Variants in SLC2A14 observed in about 807,000 individuals in gnomAD.
SLC2A14 encodes the protein solute carrier family 2 member 14.
A neutral mutation model predicts 43.0 loss-of-function variants in SLC2A14; 13 were observed. The ratio of observed to expected loss-of-function variants is 0.30; its 90% CI spans 0.20 to 0.48. The LOEUF is 0.48. SLC2A14 is among the 20% of genes least tolerant of loss of function. The probability of loss-of-function intolerance (pLI) is 0.99; values close to 1 mark genes in which losing one functional copy is unlikely to be tolerated. For synonymous variants in SLC2A14, 190 were observed against 233.8 expected (o/e 0.81, Z 1.71); for missense variants, 428 against 620.4 (o/e 0.69, Z 3.29).
chr12:7,814,627 A>C, intron 10 of SLC2A14, 93 bp from the exon 11 acceptor site: 1 of 1,314,690 alleles, frequency 7.6e-7, no homozygotes, highest in Non-Finnish European at 1.0e-6. Flanking sequence ...AATAGGCTTC[A>C]AGCTATAACC....
chr12:7,870,956 T>A, intron 1 of SLC2A14: 1 of 1,428,488 alleles, frequency 7.0e-7, no homozygotes, highest in Non-Finnish European at 9.4e-7. Flanking sequence ...CATCCAGGAG[T>A]TTAAGGAGGC....
At position 7,871,521 on chromosome 12, in the gene SLC2A14, G is replaced by A. The variant is rs769023470; in HGVS notation, c.-58+1286C>T. ...GCTTCGGGTCCCAGCTCCCAGTGGA[G>A]AAATCACGCCAAGAGAAGTGCAGTG... On this transcript the variant is annotated intron_variant, in intron 1 of 10. Coordinates refer to ENST00000431042, the MANE Select transcript of SLC2A14 (RefSeq NM_001286234.2). 9.2e-5 allele frequency among the ~76,000 whole-genome samples: 14 copies of A among 152,032 alleles called. No homozygotes were observed. The South Asian group carries it at 2.9e-3, about 32-fold the overall frequency.
At chr12:7,832,172 A>C (rs1038772780) in intron 3 of SLC2A14, among the ~76,000 whole-genome samples, 2 of 152,222 alleles carry the variant, frequency 1.3e-5, no homozygotes, top group Non-Finnish European at 2.9e-5. Flanking sequence ...CAAGGGAATA[A>C]ATAGACGGGA....
At chr12:7,837,415 G>A (rs4492886) in intron 2 of SLC2A14, among the ~76,000 whole-genome samples, 52,246 of 151,930 alleles carry the variant, frequency 0.34, 10,134 homozygotes, top group Admixed American at 0.45. Flanking sequence ...CAAGGCAGGA[G>A]GATCACCTGA....
intron 7 of SLC2A14, among the ~76,000 whole-genome samples, chr12:7,826,922 TTTTCTTTCC>T (rs1864482539): frequency 1.6e-5 from 2 of 125,910 alleles, no homozygotes; most frequent in Non-Finnish European, 3.5e-5. Context: ...TCTTTTTCCT[TTTTCTTTCC>T]TTTCCTTTCC....
chr12:7,871,707 G>A (rs1315094537), intron 1 of SLC2A14, among the ~76,000 whole-genome samples: 1 of 151,978 alleles, frequency 6.6e-6, no homozygotes, highest in Non-Finnish European at 1.5e-5. Context: ...TCCCCAAGGA[G>A]GAAGGGAACC....
At chr12:7,890,499 C>A (rs1423868953) in intron 1 of SLC2A14, among the ~76,000 whole-genome samples, 4 of 144,872 alleles carry the variant, frequency 2.8e-5, no homozygotes, top group African/African-American at 1.1e-4. Context: ...ACTTATCACA[C>A]AACATTATAA....
intron 2 of SLC2A14, among the ~76,000 whole-genome samples, chr12:7,848,490 G>A (rs1366596201): frequency 6.6e-6 from 1 of 150,562 alleles, no homozygotes; most frequent in Non-Finnish European, 1.5e-5. Context: ...CTCTTTTCCA[G>A]TCTCTATTAC....
At chr12:7,875,559 C>T (rs1471666253), upstream of SLC2A14, among the ~76,000 whole-genome samples, 1 of 151,768 alleles carries the variant, frequency 6.6e-6, no homozygotes, top group Non-Finnish European at 1.5e-5. Flanking sequence ...GTTTCTACCC[C>T]CTCAATATTA....
At chr12:7,865,529 T>C (rs1007832698) in intron 2 of SLC2A14, among the ~76,000 whole-genome samples, 11 of 151,450 alleles carry the variant, frequency 7.3e-5, no homozygotes, top group African/African-American at 2.7e-4. Flanking sequence ...AGAGTGAGAC[T>C]CTGTCTCAAA....
chr12:7,846,158 C>G (rs1866450782), intron 2 of SLC2A14, among the ~76,000 whole-genome samples: 1 of 151,946 alleles, frequency 6.6e-6, no homozygotes, highest in Non-Finnish European at 1.5e-5. Context: ...TCCTATCCCC[C>G]CAGACCTACA....
At chr12:7,864,137 C>A (rs1720058402) in intron 2 of SLC2A14, among the ~76,000 whole-genome samples, 1 of 151,820 alleles carries the variant, frequency 6.6e-6, no homozygotes, top group South Asian at 2.1e-4. Flanking sequence ...TTGATTACAG[C>A]TTACTGCTGA....
chr12:7,886,170 T>A, intron 1 of SLC2A14, among the ~76,000 whole-genome samples: 1 of 130,260 alleles, frequency 7.7e-6, no homozygotes, highest in Non-Finnish European at 1.6e-5. Flanking sequence ...TTTTTTTTTT[T>A]TTTTTTTTTT....
intron 2 of SLC2A14, among the ~76,000 whole-genome samples, chr12:7,857,406 T>C (rs1944312605): frequency 1.3e-5 from 2 of 152,184 alleles, no homozygotes; most frequent in Middle Eastern, 3.4e-3. Context: ...CTGACCAAAA[T>C]GGTGAAACCC....
chr12:7,839,462 C>T (rs1177743877), intron 2 of SLC2A14, among the ~76,000 whole-genome samples: 1 of 152,320 alleles, frequency 6.6e-6, no homozygotes, highest in East Asian at 1.9e-4. Context: ...AGCTAGGAGT[C>T]TGCTCATGCA....
intron 4 of SLC2A14, among the ~76,000 whole-genome samples, chr12:7,830,490 G>A (rs1864930155): frequency 6.6e-6 from 1 of 152,058 alleles, no homozygotes; most frequent in African/African-American, 2.4e-5. Flanking sequence ...CTAGTTGGGA[G>A]CCAGGCATGA....
At chr12:7,826,959 CTCTCTT>C (rs1163575308) in intron 7 of SLC2A14, among the ~76,000 whole-genome samples, 2 of 111,402 alleles carry the variant, frequency 1.8e-5, no homozygotes, top group African/African-American at 7.3e-5. Flanking sequence ...CCTTTCTTCT[CTCTCTT>C]TCTCTCTCTC....
chr12:7,888,890 A>G (rs193211259), intron 1 of SLC2A14, among the ~76,000 whole-genome samples: 2 of 152,066 alleles, frequency 1.3e-5, no homozygotes, highest in Admixed American at 6.6e-5. Flanking sequence ...TTTTCTACCT[A>G]TGGTCACCTA....
At chr12:7,850,880 A>C (rs1866883569) in intron 2 of SLC2A14, 1 of 152,120 alleles carries the variant, frequency 6.6e-6, no homozygotes, top group African/African-American at 2.4e-5. Flanking sequence ...CTTGTGTTCC[A>C]CATACATCAA....
Sources: allele counts gnomAD v4.1 joint callset (sites outside exome capture counted in the v4.1 genomes callset), GRCh38; gene constraint gnomAD v4.1.1; transcripts MANE v1.5; gene names NCBI Gene and HGNC (gene_info 2026-07-23, HGNC 2026-07-21).